Variants in SOX5 observed in about 807,000 individuals in gnomAD.
The protein encoded by SOX5 is transcription factor SOX-5.
SOX5 carries 9 observed loss-of-function variants against 92.0 expected under a neutral mutation model. That is an observed-to-expected ratio of 0.10 (90% confidence interval 0.06 to 0.17). The LOEUF is 0.17. Among genes scored for constraint, SOX5 ranks in the 10% least tolerant of loss-of-function variants. The probability of loss-of-function intolerance (pLI) is 1.00; values close to 1 mark genes in which losing one functional copy is unlikely to be tolerated. For missense variants in SOX5, 642 were observed against 944.5 expected (o/e 0.68, Z 4.20); for synonymous variants, 344 against 336.3 (o/e 1.02, Z -0.25).
intron 4 of SOX5, among the ~76,000 whole-genome samples, chr12:24,211,121 C>A (rs1445828682): frequency 6.6e-6 from 1 of 152,138 alleles, no homozygotes; most frequent in Non-Finnish European, 1.5e-5. Flanking sequence ...CTTCAACACA[C>A]CAAGCACACT....
Position 24,185,068 on chromosome 12 carries a change from G to A in SOX5, c.-2+28275C>T, listed in dbSNP as rs11047300. Among the ~76,000 whole-genome samples the A allele has an allele frequency of 6.5e-3, 995 of 152,186 alleles. 12 individuals are homozygous for A. The highest frequency in any genetic ancestry group is 0.022 in the African/African-American group (915 of 41,520). On this transcript the variant is annotated intron_variant, in intron 4 of 4. Transcript: ENST00000446891. ...GACAACAGCATTGACAGTGCTCACT[G>A]CCAGCCTGACACTGCACTAGACACT...
chr12:24,507,093 G>C (rs557678135), intron 1 of SOX5, among the ~76,000 whole-genome samples: 77 of 151,944 alleles, frequency 5.1e-4, no homozygotes, highest in South Asian at 1.0e-3. Context: ...CCCGGCCCAT[G>C]GTATCCAAAT....
At chr12:23,618,875 C>A (rs2076862920) in intron 8 of SOX5, among the ~76,000 whole-genome samples, 1 of 152,102 alleles carries the variant, frequency 6.6e-6, no homozygotes, top group Non-Finnish European at 1.5e-5. Context: ...CCCCCACCTG[C>A]TGGCCAGTGA....
At chr12:24,549,596 T>C (rs2138925583) in intron 1 of SOX5, among the ~76,000 whole-genome samples, 1 of 152,280 alleles carries the variant, frequency 6.6e-6, no homozygotes, top group East Asian at 1.9e-4. Context: ...TGTATGAGCA[T>C]TCTGAGAAGA....
intron 1 of SOX5, among the ~76,000 whole-genome samples, chr12:24,556,265 C>A (rs534043651): frequency 6.6e-6 from 1 of 152,306 alleles, no homozygotes; most frequent in Admixed American, 6.5e-5. Context: ...CATTTATTTT[C>A]TGTTTTAAGA....
At chr12:24,050,850 A>G (rs75088994) in intron 4 of SOX5, among the ~76,000 whole-genome samples, 1 of 152,064 alleles carries the variant, frequency 6.6e-6, no homozygotes, top group Non-Finnish European at 1.5e-5. Flanking sequence ...TCTTCTTATT[A>G]TTATTATTAT....
At chr12:23,579,792 T>TTATTTA (rs1343098045) in intron 9 of SOX5, among the ~76,000 whole-genome samples, 1 of 152,080 alleles carries the variant, frequency 6.6e-6, no homozygotes, top group African/African-American at 2.4e-5. Context: ...ATAAATTACT[T>TTATTTA]ACAAATAAAA....
chr12:23,577,641 G>GAA (rs35996026), intron 9 of SOX5, among the ~76,000 whole-genome samples: 83 of 149,594 alleles, frequency 5.5e-4, no homozygotes, highest in East Asian at 2.0e-3. Context: ...GTCTGTTTCA[G>GAA]AAAAAAAAAA....
chr12:24,019,790 CT>C (rs1954080467), intron 4 of SOX5, among the ~76,000 whole-genome samples: 1 of 152,176 alleles, frequency 6.6e-6, no homozygotes, highest in Admixed American at 6.5e-5. Flanking sequence ...GGCTTAGTAA[CT>C]TGGTGAACTG....
intron 2 of SOX5, among the ~76,000 whole-genome samples, chr12:24,337,448 C>T (rs1217686946): frequency 1.3e-5 from 2 of 151,840 alleles, no homozygotes; most frequent in Non-Finnish European, 2.9e-5. Flanking sequence ...TCAAGCGATC[C>T]TCCCACCTCA....
At position 23,580,427 on chromosome 12, in the gene SOX5, G is replaced by A. The variant is rs1190663439; in HGVS notation, c.1165-4589C>T. 2.0e-5 allele frequency among the ~76,000 whole-genome samples: 3 copies of A among 151,996 alleles called. 1 individual carries two copies. The highest frequency in any genetic ancestry group is 4.1e-4 in the South Asian group (2 of 4,820). On this transcript the variant is annotated intron_variant, in intron 9 of 14. Transcript: ENST00000451604. ...GCTATTCTATACATTAAAAAGTTAAGGCGCAAATTCACTTATCTTGGTGAC... is the reference window on the plus strand; with the variant it reads ...GCTATTCTATACATTAAAAAGTTAAAGCGCAAATTCACTTATCTTGGTGAC...
intron 9 of SOX5, among the ~76,000 whole-genome samples, chr12:23,577,769 T>C (rs575754954): frequency 3.2e-4 from 48 of 151,988 alleles, no homozygotes; most frequent in Non-Finnish European, 6.2e-4. Context: ...GGAAGTGAAA[T>C]AATTCCATCA....
At chr12:23,922,513 G>T (rs1595671997) in intron 1 of SOX5, among the ~76,000 whole-genome samples, 1 of 152,060 alleles carries the variant, frequency 6.6e-6, no homozygotes, top group African/African-American at 2.4e-5. Flanking sequence ...TGCATTCATG[G>T]GTCACTTGTG....
At chr12:23,953,764 T>C (rs1945945139), upstream of SOX5, among the ~76,000 whole-genome samples, 1 of 151,996 alleles carries the variant, frequency 6.6e-6, no homozygotes, top group Non-Finnish European at 1.5e-5. Flanking sequence ...CAAGCACAGA[T>C]ACACAAATAA....
chr12:23,995,040 T>C (rs1366748459), intron 4 of SOX5, among the ~76,000 whole-genome samples: 1 of 152,222 alleles, frequency 6.6e-6, no homozygotes, highest in Admixed American at 6.5e-5. Flanking sequence ...CTGCCAACTA[T>C]ATTTTCTTCC....
chr12:23,714,438 A>G (rs2092327767), intron 6 of SOX5, among the ~76,000 whole-genome samples: 1 of 152,172 alleles, frequency 6.6e-6, no homozygotes, highest in African/African-American at 2.4e-5. Context: ...CGTGGCCAAC[A>G]TGGCGAAACC....
chr12:23,625,525 T>C (rs776628006), intron 8 of SOX5, among the ~76,000 whole-genome samples: 3 of 152,206 alleles, frequency 2.0e-5, no homozygotes, highest in Non-Finnish European at 2.9e-5. Flanking sequence ...TCCTTGCCAC[T>C]TGAAATCCCC....
At chr12:23,654,990 T>C (rs1193754037) in intron 7 of SOX5, among the ~76,000 whole-genome samples, 1 of 152,102 alleles carries the variant, frequency 6.6e-6, no homozygotes, top group African/African-American at 2.4e-5. Context: ...AATATATTTT[T>C]ATGACGTCTT....
chr12:24,240,418 C>T (rs577222299), intron 3 of SOX5, among the ~76,000 whole-genome samples: 12 of 152,262 alleles, frequency 7.9e-5, no homozygotes, highest in South Asian at 6.2e-4. Flanking sequence ...ACAACAACTA[C>T]TTTTCCGTAC....
Sources: allele counts gnomAD v4.1 joint callset (sites outside exome capture counted in the v4.1 genomes callset), GRCh38; gene constraint gnomAD v4.1.1; transcripts MANE v1.5; gene names NCBI Gene and HGNC (gene_info 2026-07-23, HGNC 2026-07-21).